Variants in PON1 observed in about 807,000 individuals in gnomAD.
The protein encoded by PON1 is paraoxonase 1.
PON1 carries 37 observed loss-of-function variants against 39.2 expected under a neutral mutation model. The observed-to-expected ratio is 0.94, with a 90% CI of 0.73 to 1.24. PON1 has a LOEUF of 1.24. Among genes scored for constraint, PON1 ranks in the 50% most tolerant of loss-of-function variants. PON1 has a pLI of 0.00. For synonymous variants in PON1, 148 were observed against 152.2 expected, an observed-to-expected ratio of 0.97 and a Z score of 0.21; for missense variants, 397 against 413.5, an observed-to-expected ratio of 0.96 and a Z score of 0.35.
At chr7:95,299,682 C>T (rs765527993) in intron 8 of PON1, among the ~76,000 whole-genome samples, 29 of 152,066 alleles carry the variant, frequency 1.9e-4, no homozygotes, top group Non-Finnish European at 3.1e-4. Context: ...TGCTTCCTGC[C>T]CTCAAACATC....
chr7:95,303,763 G>A (rs561024135), intron 7 of PON1, among the ~76,000 whole-genome samples: 12 of 152,194 alleles, frequency 7.9e-5, no homozygotes, highest in East Asian at 1.9e-4. Flanking sequence ...AGACCCCTGC[G>A]TATCACATCT....
intron 5 of PON1, 129 bp downstream of exon 5, chr7:95,311,322 G>T: frequency 1.8e-6 from 2 of 1,123,596 alleles, no homozygotes; most frequent in Non-Finnish European, 2.6e-6. Flanking sequence ...AAGAGCATGT[G>T]GAGGAGTTTG....
intron 6 of PON1, among the ~76,000 whole-genome samples, chr7:95,307,672 C>T (rs1260109249): frequency 1.3e-5 from 2 of 152,186 alleles, no homozygotes; most frequent in Non-Finnish European, 1.5e-5. Flanking sequence ...TAAACCTGCA[C>T]TACTGACGTA....
intron 7 of PON1, among the ~76,000 whole-genome samples, chr7:95,303,358 GCTTT>G (rs71867896): frequency 0.052 from 7,629 of 147,820 alleles, 516 homozygotes; most frequent in African/African-American, 0.17. Flanking sequence ...CTCCATGCTT[GCTTT>G]CTCCATCCCT....
chr7:95,314,015 A>G (rs1407643285), intron 4 of PON1, among the ~76,000 whole-genome samples: 1 of 152,184 alleles, frequency 6.6e-6, no homozygotes, highest in Non-Finnish European at 1.5e-5. Context: ...GCACTGCAGT[A>G]TCAGGGAAGA....
Position 95,324,405 on chromosome 7 carries a change from TA to T in PON1, c.70del (p.Tyr24ThrfsTer14). 6.2e-7 allele frequency: 1 copy of T among 1,614,100 alleles called. No individual in the cohort carries two copies. Among genetic ancestry groups the T allele is most frequent in the Non-Finnish European group, 8.5e-7 (1 of 1,179,976 alleles). ...LALFRNHQSS[Y>X]QTRLNALREV... The stretch of plus-strand genomic sequence containing the variant: ...CCCTCACCACAACCCAACTTACTGG[TA>T]AGAAGACTGGTGGTTCCTGAAGAGT... On this transcript the variant is annotated frameshift_variant, in exon 1 of 9. Transcript: ENST00000222381. LOFTEE classifies it high-confidence loss of function.
At chr7:95,320,988 A>T (rs937720485) in intron 1 of PON1, among the ~76,000 whole-genome samples, 1 of 152,170 alleles carries the variant, frequency 6.6e-6, no homozygotes. Context: ...ATGATTCTGG[A>T]TGGTTAGAAA....
At chr7:95,307,013 G>C (rs3917596) in intron 6 of PON1, among the ~76,000 whole-genome samples, 395 of 151,284 alleles carry the variant, frequency 2.6e-3, no homozygotes, top group Non-Finnish European at 4.3e-3. Context: ...TGTCCCTGTT[G>C]CTCTCACTTG....
intron 4 of PON1, among the ~76,000 whole-genome samples, chr7:95,314,184 CCCCCGT>C (rs1807715609): frequency 6.6e-6 from 1 of 151,888 alleles, no homozygotes; most frequent in African/African-American, 2.4e-5. Context: ...CATGGTGAAA[CCCCCGT>C]CTCTACTAAA....
rs780822549 is a variant in PON1 at position 95,298,872 on chromosome 7, T to C, written c.*72A>G. 1.5e-5 allele frequency: 23 copies of C among 1,571,224 alleles called. No individual in the cohort carries two copies. The highest frequency in any genetic ancestry group is 1.9e-5 in the Non-Finnish European group (22 of 1,141,594). ...GCATTCATTGTTCAGCTAAGAACACTGGGTCCTCGGAATATGGCAAGCGGT... is the reference window on the plus strand; with the variant it reads ...GCATTCATTGTTCAGCTAAGAACACCGGGTCCTCGGAATATGGCAAGCGGT... On this transcript the variant is annotated 3_prime_UTR_variant, in exon 9 of 9. Transcript: ENST00000222381.
chr7:95,305,735 G>GC (rs1235068960), intron 7 of PON1, among the ~76,000 whole-genome samples: 5 of 152,098 alleles, frequency 3.3e-5, no homozygotes, highest in Admixed American at 6.5e-5. Flanking sequence ...AGGGAATGGT[G>GC]CCCCGTTCTG....
At position 95,298,989 on chromosome 7, in the gene PON1, C is replaced by G; in HGVS notation, c.1023G>C (p.Leu341=). The change falls in exon 9 of 9, where the codon CTG becomes CTC. Residue 341 remains leucine, a synonymous_variant. Transcript: ENST00000222381. ...CTTTGTGAAACACTGTGCCAATCAG[C>G]AGTTTCCCTTTGTACACAGAGGCAA... ...STVASVYKGK[L]LIGTVFHKAL... 6.2e-7 allele frequency: 1 copy of G among 1,614,178 alleles called. No homozygotes were observed. Among genetic ancestry groups the G allele is most frequent in the South Asian group, 1.1e-5 (1 of 91,082 alleles).
intron 6 of PON1, among the ~76,000 whole-genome samples, chr7:95,307,123 C>T (rs570427611): frequency 4.0e-5 from 6 of 150,596 alleles, no homozygotes; most frequent in African/African-American, 1.5e-4. Flanking sequence ...TGCAGTGGTG[C>T]AATCTCAGCT....
chr7:95,307,143 C>T (rs1470487697), intron 6 of PON1, among the ~76,000 whole-genome samples: 2 of 151,748 alleles, frequency 1.3e-5, no homozygotes, highest in East Asian at 3.9e-4. Context: ...TCACTGCAAC[C>T]TCCACCTCCC....
Position 95,311,502 on chromosome 7 carries a change from T to C in PON1, c.446A>G (p.Glu149Gly), listed in dbSNP as rs1167184764. Residue 149 changes from glutamate to glycine, a missense_variant, in exon 5 of 9, where the codon GAA (glutamate) becomes GGA (glycine). Transcript: ENST00000222381. ...TTTTAGATGCAAAAGCGATTTTTCTTCTTCTTGAAATTTAAACAACTCCAC... is the reference window on the plus strand; with the variant it reads ...TTTTAGATGCAAAAGCGATTTTTCTCCTTCTTGAAATTTAAACAACTCCAC... ...STVELFKFQE[E>G]EKSLLHLKTI... The C allele has an allele frequency of 1.2e-6, 2 of 1,614,134 alleles. No homozygotes were observed. The highest frequency in any genetic ancestry group is 1.7e-6 in the Non-Finnish European group (2 of 1,179,968).
At chr7:95,319,131 C>CTTTT (rs369225812) in intron 1 of PON1, among the ~76,000 whole-genome samples, 49,374 of 138,146 alleles carry the variant, frequency 0.36, 9,384 homozygotes, top group Middle Eastern at 0.47. Context: ...AAACAATAAA[C>CTTTT]TTTTTTTTTT....
chr7:95,302,319 A>G lies in PON1; in HGVS notation c.795T>C (p.Asn265=). ...TLTPLKSLDF[N]TLVDNISVDP... ...CCACAGATATGTTATCCACGAGGGT[A>G]TTAAAGTCAAGGGACTTAAAAGATT... is the stretch of plus-strand genomic sequence containing the variant. Residue 265 remains asparagine (N), a synonymous_variant, in exon 8 of 9, where the codon AAT becomes AAC. Coordinates refer to ENST00000222381, the MANE Select transcript of PON1 (RefSeq NM_000446.7). The G allele has an allele frequency of 1.9e-6, 3 of 1,608,452 alleles. No homozygotes were observed. Among genetic ancestry groups the G allele is most frequent in the Middle Eastern group, 1.7e-4 (1 of 6,048 alleles).
intron 7 of PON1, 154 bp from the exon 8 acceptor site, chr7:95,302,487 A>G: frequency 1.5e-6 from 1 of 671,062 alleles, no homozygotes. Context: ...AAGACTCACA[A>G]AATTTCTCTG....
chr7:95,302,473 C>T, intron 7 of PON1, 140 bp from the exon 8 acceptor site: 1 of 710,226 alleles, frequency 1.4e-6, no homozygotes, highest in Non-Finnish European at 2.3e-6. Flanking sequence ...TGCCCCATTT[C>T]AATAAGACTC....
Sources: gnomAD v4.1 joint callset for allele counts (sites outside exome capture counted in the v4.1 genomes callset) on GRCh38, gnomAD v4.1.1 for gene constraint, MANE v1.5 for transcripts, NCBI Gene and HGNC (gene_info 2026-07-23, HGNC 2026-07-21) for gene names.